Variants in RIMS1 observed in about 807,000 individuals in gnomAD.
RIMS1 encodes regulating synaptic membrane exocytosis protein 1.
RIMS1 carries 83 observed loss-of-function variants against 214.1 expected under a neutral mutation model. The ratio of observed to expected loss-of-function variants is 0.39; its 90% CI spans 0.32 to 0.47. The LOEUF (loss-of-function observed/expected upper bound fraction) is 0.47. RIMS1 is among the 20% of genes least tolerant of loss of function. RIMS1 has a pLI of 0.99. For missense variants in RIMS1, 2,050 were observed against 2,161.8 expected (o/e 0.95, Z 1.03); for synonymous variants, 793 against 786.8 (o/e 1.01, Z -0.13).
At chr6:72,362,001 G>GTATTGTATTC (rs1196034560) in intron 29 of RIMS1, among the ~76,000 whole-genome samples, 7 of 151,894 alleles carry the variant, frequency 4.6e-5, no homozygotes. Context: ...GTATTGTATT[G>GTATTGTATTC]TATTGTATTG....
chr6:72,307,532 G>A (rs2095276531), intron 27 of RIMS1, among the ~76,000 whole-genome samples, 162 bp downstream of exon 27: 1 of 152,134 alleles, frequency 6.6e-6, no homozygotes, highest in African/African-American at 2.4e-5. Flanking sequence ...GCCAAGGCAG[G>A]CACATCACCT....
intron 1 of RIMS1, among the ~76,000 whole-genome samples, chr6:71,931,461 T>C (rs768448717): frequency 3.9e-5 from 6 of 152,096 alleles, no homozygotes; most frequent in Non-Finnish European, 7.4e-5. Flanking sequence ...TAGTGATGAC[T>C]AGTGAGTGTC....
At chr6:72,069,075 A>G (rs1440755464) in intron 2 of RIMS1, among the ~76,000 whole-genome samples, 1 of 152,150 alleles carries the variant, frequency 6.6e-6, no homozygotes, top group African/African-American at 2.4e-5. Flanking sequence ...AGTACACTGG[A>G]TGTACAGTGG....
chr6:72,019,169 GA>G (rs59781010), intron 2 of RIMS1, among the ~76,000 whole-genome samples: 10,212 of 152,250 alleles, frequency 0.067, 389 homozygotes, highest in Non-Finnish European at 0.082. Flanking sequence ...CCCATAGGAT[GA>G]AAATACTTAT....
chr6:71,928,285 C>G (rs1349867312), intron 1 of RIMS1, among the ~76,000 whole-genome samples: 4 of 152,122 alleles, frequency 2.6e-5, no homozygotes, highest in Non-Finnish European at 5.9e-5. Flanking sequence ...ATACCCCGAT[C>G]ATCCTTTTAT....
chr6:71,908,415 A>G (rs1775901617), intron 1 of RIMS1, among the ~76,000 whole-genome samples: 1 of 152,108 alleles, frequency 6.6e-6, no homozygotes, highest in Non-Finnish European at 1.5e-5. Context: ...CCTTTGTGCC[A>G]TCTGCCTCAG....
chr6:72,261,613 A>G, intron 19 of RIMS1: 1 of 984,546 alleles, frequency 1.0e-6, no homozygotes, highest in Non-Finnish European at 1.2e-6. Flanking sequence ...AAATAATCGA[A>G]CTCAAATATT....
intron 2 of RIMS1, among the ~76,000 whole-genome samples, chr6:72,014,184 G>A (rs1247921257): frequency 6.6e-6 from 1 of 152,236 alleles, no homozygotes. Flanking sequence ...GACAGGAAGA[G>A]AAGTGAGTGG....
Position 72,128,967 on chromosome 6 carries a change from C to T in RIMS1, c.471+28981C>T, listed in dbSNP as rs2040028030. On this transcript the variant is annotated intron_variant, in intron 4 of 33. Coordinates refer to ENST00000521978, the MANE Select transcript of RIMS1 (RefSeq NM_014989.7). ...ACAGTAATTCCAGATCATTTTATGA[C>T]ATTAAATCAACTCAGAATCTGTAAC... Among the ~76,000 whole-genome samples the T allele has an allele frequency of 1.3e-5, 2 of 152,170 alleles. 1 individual carries two copies. The highest frequency in any genetic ancestry group is 1.3e-4 in the Admixed American group (2 of 15,278).
At chr6:71,916,017 G>C (rs4706496) in intron 1 of RIMS1, among the ~76,000 whole-genome samples, 10,479 of 152,004 alleles carry the variant, frequency 0.069, 491 homozygotes, top group East Asian at 0.2. Flanking sequence ...ACCTCCCACC[G>C]GGTCCATCCC....
intron 2 of RIMS1, among the ~76,000 whole-genome samples, chr6:72,026,458 C>A (rs1217798229): frequency 1.1e-3 from 62 of 54,826 alleles, no homozygotes; most frequent in Middle Eastern, 7.2e-3. Flanking sequence ...CAGCACCGCC[C>A]CCCCCCCCAA....
chr6:72,026,203 A>G (rs1210287384), intron 2 of RIMS1, among the ~76,000 whole-genome samples: 6 of 152,082 alleles, frequency 3.9e-5, no homozygotes, highest in Admixed American at 3.9e-4. Flanking sequence ...AAACAGCAAC[A>G]TTTTATTATT....
chr6:72,012,247 G>C (rs966569519), intron 2 of RIMS1, among the ~76,000 whole-genome samples: 1 of 151,946 alleles, frequency 6.6e-6, no homozygotes, highest in Non-Finnish European at 1.5e-5. Context: ...ACCAAACACC[G>C]CATGTTGTCA....
Position 72,055,558 on chromosome 6 carries a change from T to C in RIMS1, c.246-41391T>C, listed in dbSNP as rs1825923453. Among the ~76,000 whole-genome samples, 8 of 152,192 alleles carry C rather than the reference T, an allele frequency of 5.3e-5. No individual in the cohort carries two copies. The South Asian group carries it at 1.7e-3, about 32-fold the overall frequency. On this transcript the variant is annotated intron_variant, in intron 2 of 33. Transcript: ENST00000521978. ...CCAGCACTGTGCTGAATAGGAGTGG[T>C]GAGAGTTGGCATCCTTGTCTTGTTC...
Position 72,182,687 on chromosome 6 carries a change from G to A in RIMS1, c.1216G>A (p.Glu406Lys), listed in dbSNP as rs1444939008. 9 of 1,474,374 alleles carry A rather than the reference G, an allele frequency of 6.1e-6. No homozygotes were observed. The highest frequency in any genetic ancestry group is 8.0e-6 in the Non-Finnish European group (9 of 1,120,132). 91.3% of individuals were successfully genotyped at this position (1,474,374 alleles called of 1,614,324 possible). ...PRTEAGAALP[E>K]GKAGKRAPAA... ...CACCGAGGCGGGCGCGGCGCTGCCGGAGGGCAAGGCCGGCAAACGCGCGCC... is the reference window on the plus strand; with the variant it reads ...CACCGAGGCGGGCGCGGCGCTGCCGAAGGGCAAGGCCGGCAAACGCGCGCC... Residue 406 changes from glutamate to lysine, a missense_variant, in exon 6 of 34, where the codon GAG becomes AAG. Glu to Lys is a moderately conservative substitution (Grantham distance 56). Transcript: ENST00000521978.
chr6:72,292,466 G>A (rs574802213), intron 26 of RIMS1, among the ~76,000 whole-genome samples: 1 of 152,040 alleles, frequency 6.6e-6, no homozygotes, highest in African/African-American at 2.4e-5. Flanking sequence ...AACTTGATTA[G>A]CAGTAGCCTA....
At chr6:72,059,170 A>G (rs534806374) in intron 2 of RIMS1, among the ~76,000 whole-genome samples, 1 of 152,234 alleles carries the variant, frequency 6.6e-6, no homozygotes, top group South Asian at 2.1e-4. Flanking sequence ...TTTTTCATAC[A>G]AAAGATATGT....
At chr6:71,966,681 C>G (rs996941330) in intron 1 of RIMS1, among the ~76,000 whole-genome samples, 4 of 152,118 alleles carry the variant, frequency 2.6e-5, no homozygotes, top group African/African-American at 9.7e-5. Context: ...CCCACACACC[C>G]GGCTAAATTT....
rs201766829 is a variant in RIMS1 at position 71,951,480 on chromosome 6, T to TTTTCTTTTTC, written c.165-17500_165-17499insCTTTTTCTTT. The stretch of plus-strand genomic sequence containing the variant: ...CCATTTTTTCCACTTTTCTTTTTCT[T>TTTTCTTTTTC]TTTTTTTTTTTTTGTGTGTGTGTGT... On this transcript the variant is annotated intron_variant, in intron 1 of 33. Coordinates refer to ENST00000521978, the MANE Select transcript of RIMS1 (RefSeq NM_014989.7). Among the ~76,000 whole-genome samples, 216 of 120,446 alleles carry TTTTCTTTTTC rather than the reference T, an allele frequency of 1.8e-3. 3 individuals carry two copies. Among genetic ancestry groups the TTTTCTTTTTC allele is most frequent in the South Asian group, 3.7e-3 (15 of 4,032 alleles). 79.0% of individuals were successfully genotyped at this position (120,446 alleles called of 152,430 possible). A position where few individuals can be genotyped will look rare whatever the true frequency, so the allele number is the denominator to read the frequency against.
Sources: allele counts gnomAD v4.1 joint callset (sites outside exome capture counted in the v4.1 genomes callset), GRCh38; gene constraint gnomAD v4.1.1; transcripts MANE v1.5; gene names NCBI Gene and HGNC (gene_info 2026-07-23, HGNC 2026-07-21).